The following ZFHX3 variants were observed in gnomAD, a reference collection of about 807,000 sequenced individuals.
ZFHX3 encodes zinc finger homeobox 3.
ZFHX3 carries 42 observed loss-of-function variants against 279.1 expected under a neutral mutation model. That is an observed-to-expected ratio of 0.15 (90% CI 0.12 to 0.19). The LOEUF is 0.19. Among genes scored for constraint, ZFHX3 ranks in the 10% least tolerant of loss-of-function variants. The pLI, the probability that ZFHX3 is intolerant of heterozygous loss-of-function variation, is 1.00. For synonymous variants in ZFHX3, 2,293 were observed against 1,957.8 expected (o/e 1.17, Z -4.52); for missense variants, 4,981 against 4,754.0 (o/e 1.05, Z -1.40).
chr16:73,509,521 C>CTTTTTT (rs531436437), intron 2 of ZFHX3, among the ~76,000 whole-genome samples: 1 of 102,958 alleles, frequency 9.7e-6, no homozygotes, highest in Non-Finnish European at 1.8e-5. Context: ...TTTCCCTCTC[C>CTTTTTT]TTTTTTTTTT....
rs542892793 is a variant in ZFHX3 at position 73,777,804 on chromosome 16, G to C, written c.-1607-97564C>G. ...TGTAAGGAAAGTGAGGCTCAGGCAG[G>C]TTACTGCCTCAGGTTGCCAACAACT... On this transcript the variant is annotated intron_variant, in intron 1 of 17. Transcript: ENST00000641206. Among the ~76,000 whole-genome samples the C allele has an allele frequency of 3.3e-5, 5 of 152,226 alleles. No homozygotes were observed. In the East Asian group the frequency reaches 9.7e-4, roughly 29 times the overall value.
intron 2 of ZFHX3, among the ~76,000 whole-genome samples, chr16:73,506,493 T>C (rs961308393): frequency 2.0e-5 from 3 of 152,148 alleles, no homozygotes; most frequent in African/African-American, 7.2e-5. Flanking sequence ...ACGGAAAAAG[T>C]TGAGCAGACC....
intron 2 of ZFHX3, among the ~76,000 whole-genome samples, chr16:73,631,063 C>G (rs1024936353): frequency 6.6e-6 from 1 of 152,124 alleles, no homozygotes; most frequent in African/African-American, 2.4e-5. Context: ...CGGTAAGAAA[C>G]CACAGGCCTG....
intron 5 of ZFHX3, among the ~76,000 whole-genome samples, chr16:73,145,395 T>C (rs1966858633): frequency 6.6e-6 from 1 of 152,192 alleles, no homozygotes; most frequent in Non-Finnish European, 1.5e-5. Context: ...GCTAACACTG[T>C]TGTCAAATTG....
Position 73,211,636 on chromosome 16 carries a change from C to T in ZFHX3, c.-1104+45411G>A, listed in dbSNP as rs574688554. 3.9e-5 allele frequency among the ~76,000 whole-genome samples: 6 copies of T among 152,066 alleles called. No homozygotes were observed. In the East Asian group the frequency reaches 1.2e-3, roughly 29 times the overall value. On this transcript the variant is annotated intron_variant, in intron 5 of 17. Transcript: ENST00000641206. The stretch of plus-strand genomic sequence containing the variant: ...CCACAGTGCAGGAACTGGCAAAATT[C>T]CATGCATTTGTATTTAAATCCCAAA...
At chr16:73,492,985 AT>A (rs1407559316) in intron 2 of ZFHX3, among the ~76,000 whole-genome samples, 1 of 152,188 alleles carries the variant, frequency 6.6e-6, no homozygotes, top group Non-Finnish European at 1.5e-5. Flanking sequence ...TATTATATAC[AT>A]TTTATTATAT....
intron 5 of ZFHX3, among the ~76,000 whole-genome samples, chr16:73,225,463 AC>A (rs1433851218): frequency 6.6e-6 from 1 of 152,122 alleles, no homozygotes; most frequent in Admixed American, 6.5e-5. Context: ...GGTGGCACAC[AC>A]CCATGGTACC....
intron 5 of ZFHX3, among the ~76,000 whole-genome samples, chr16:73,146,135 A>G (rs2144840144): frequency 6.6e-6 from 1 of 152,318 alleles, no homozygotes; most frequent in East Asian, 1.9e-4. Context: ...GTATAGAGAT[A>G]AAAAATGATC....
intron 3 of ZFHX3, among the ~76,000 whole-genome samples, chr16:72,895,073 G>C (rs190996971): frequency 4.6e-5 from 7 of 152,264 alleles, no homozygotes; most frequent in South Asian, 2.1e-4. Flanking sequence ...ATTTGGCGGG[G>C]GTTTGTTTCG....
intron 2 of ZFHX3, among the ~76,000 whole-genome samples, chr16:73,543,623 A>G (rs576926196): frequency 3.2e-4 from 48 of 152,310 alleles, no homozygotes; most frequent in Non-Finnish European, 4.1e-4. Context: ...AACATCTTCA[A>G]TAGATCTGTA....
intron 4 of ZFHX3, among the ~76,000 whole-genome samples, chr16:73,277,833 C>T (rs1597257954): frequency 1.3e-5 from 2 of 152,072 alleles, no homozygotes; most frequent in African/African-American, 4.8e-5. Flanking sequence ...TCTGTGGAGG[C>T]CTCAAGAAGC....
chr16:73,097,249 T>TC (rs1966177013), intron 7 of ZFHX3, among the ~76,000 whole-genome samples: 1 of 150,306 alleles, frequency 6.7e-6, no homozygotes, highest in Non-Finnish European at 1.5e-5. Flanking sequence ...TTTTTTTTTT[T>TC]GTAGAGACAG....
At chr16:73,646,719 A>G (rs938608969) in intron 2 of ZFHX3, among the ~76,000 whole-genome samples, 1 of 152,216 alleles carries the variant, frequency 6.6e-6, no homozygotes, top group Non-Finnish European at 1.5e-5. Context: ...CCTCCGTGAA[A>G]TGAAAGATTG....
rs376418492 is a variant in ZFHX3 at position 73,589,494 on chromosome 16, G to A, written c.-1547+90686C>T. 4.0e-5 allele frequency among the ~76,000 whole-genome samples: 6 copies of A among 150,618 alleles called. No individual in the cohort carries two copies. The East Asian group carries it at 9.9e-4, about 25-fold the overall frequency. On this transcript the variant is annotated intron_variant, in intron 2 of 17. Coordinates refer to the ZFHX3 transcript ENST00000641206. ...CGCCTGTAATCCCAGCACTTTGGGA[G>A]GCTGTGGTGGGTGGATCACAAGGTC...
At chr16:73,857,573 A>G (rs1961767464) in intron 1 of ZFHX3, among the ~76,000 whole-genome samples, 1 of 152,204 alleles carries the variant, frequency 6.6e-6, no homozygotes, top group Admixed American at 6.5e-5. Context: ...TTTGTTCTAC[A>G]CTGAAGTCTC....
chr16:73,806,387 G>A (rs571631762), intron 1 of ZFHX3, among the ~76,000 whole-genome samples: 1 of 152,216 alleles, frequency 6.6e-6, no homozygotes, highest in Non-Finnish European at 1.5e-5. Context: ...AGCACAGTGA[G>A]AGAACAAGAG....
At chr16:73,431,862 T>A (rs2017917301) in intron 3 of ZFHX3, among the ~76,000 whole-genome samples, 1 of 152,076 alleles carries the variant, frequency 6.6e-6, no homozygotes, top group Admixed American at 6.5e-5. Flanking sequence ...CCCAGTAGTG[T>A]CATTGGAGGT....
At chr16:73,609,187 G>A (rs112311297) in intron 2 of ZFHX3, 17 of 152,290 alleles carry the variant, frequency 1.1e-4, no homozygotes, top group African/African-American at 3.9e-4. Context: ...CATTTCAGAA[G>A]TGAGAAGGCG....
At chr16:73,600,644 T>C (rs1401804691) in intron 2 of ZFHX3, among the ~76,000 whole-genome samples, 1 of 152,010 alleles carries the variant, frequency 6.6e-6, no homozygotes, top group African/African-American at 2.4e-5. Flanking sequence ...ATGGTCTCGA[T>C]CTCTTGACCT....
Sources: gnomAD v4.1 joint callset for allele counts (sites outside exome capture counted in the v4.1 genomes callset) on GRCh38, gnomAD v4.1.1 for gene constraint, MANE v1.5 for transcripts, NCBI Gene and HGNC (gene_info 2026-07-23, HGNC 2026-07-21) for gene names.